The following TTLL11 variants were observed in gnomAD, a reference collection of about 807,000 sequenced individuals.
The protein encoded by TTLL11 is tubulin tyrosine ligase like 11.
In TTLL11, 42 loss-of-function variants were observed where a neutral mutation model predicts 51.7. The ratio of observed to expected loss-of-function variants is 0.81; its 90% CI spans 0.64 to 1.05. The LOEUF is 1.05. Ranked by LOEUF, TTLL11 falls within the 50% of genes least tolerant of loss-of-function variation. TTLL11 has a pLI of 0.00. For synonymous variants in TTLL11, 381 were observed against 383.5 expected (o/e 0.99, Z 0.08); for missense variants, 799 against 940.4 (o/e 0.85, Z 1.97).
intron 6 of TTLL11, among the ~76,000 whole-genome samples, chr9:121,941,770 T>C (rs1276460089): frequency 6.6e-6 from 1 of 152,160 alleles, no homozygotes; most frequent in African/African-American, 2.4e-5. Context: ...CCCCCAGGGA[T>C]ATTTGTGTGG....
At position 121,822,733 on chromosome 9, in the gene TTLL11, C is replaced by A. The variant is rs753390416; in HGVS notation, c.1987G>T (p.Gly663Cys). The A allele has an allele frequency of 1.5e-5, 23 of 1,551,384 alleles. No individual in the cohort carries two copies. The Admixed American group carries it at 2.0e-4, about 13-fold the overall frequency. ...SLLDEKRLVC[G>C]RGVPSGGRPP... The stretch of plus-strand genomic sequence containing the variant: ...CGGCCCCCCGACGGGACGCCCCGGC[C>A]ACACACCAGGCGTTTTTCATCCAGC... The change falls in exon 9 of 9, where the codon GGC becomes TGC. Residue 663 changes from glycine to cysteine, a missense_variant. Coordinates refer to ENST00000321582, the MANE Select transcript of TTLL11 (RefSeq NM_001139442.2). The surrounding 1 kb of genome is among the most constrained non-coding windows in gnomAD (Gnocchi z 5.8).
At chr9:121,827,740 G>A (rs971731869) in intron 8 of TTLL11, among the ~76,000 whole-genome samples, 1 of 152,152 alleles carries the variant, frequency 6.6e-6, no homozygotes, top group Non-Finnish European at 1.5e-5. Flanking sequence ...CGCAGGAAAC[G>A]GTGGTCAGAC....
In TTLL11 at chr9:122,093,142, G is replaced by C. The variant is rs1383436631; in HGVS notation, c.7C>G (p.Arg3Gly). Residue 3 changes from arginine to glycine, a missense_variant, in exon 1 of 9, where the codon CGG becomes GGG. This residue lies in a region of TTLL11 where 166 missense variants were observed against 161.6 expected (regional missense o/e 1.03). Transcript: ENST00000321582. ...GCCAGCTCGCTCTCGGAGCTGCCCC[G>C]CCGCATGGTGCTCAGGGCCGGGGCC... MR[R>G]GSSESELAAR... The C allele has an allele frequency of 6.7e-7, 1 of 1,489,986 alleles. No homozygotes were observed. The highest frequency in any genetic ancestry group is 2.8e-5 in the East Asian group (1 of 35,614). The allele number at this position is 1,489,986 out of a possible 1,614,324, so 92.3% of individuals were successfully genotyped here. A position where few individuals can be genotyped will look rare whatever the true frequency, so the allele number is the denominator to read the frequency against.
intron 6 of TTLL11, among the ~76,000 whole-genome samples, chr9:121,953,371 G>A (rs540663497): frequency 1.3e-5 from 2 of 152,254 alleles, no homozygotes; most frequent in Admixed American, 6.5e-5. Context: ...TGTGGCTCAC[G>A]TGTGTAATCC....
intron 6 of TTLL11, among the ~76,000 whole-genome samples, chr9:121,873,518 G>A (rs933654390): frequency 1.3e-5 from 2 of 151,380 alleles, no homozygotes; most frequent in Non-Finnish European, 1.5e-5. Context: ...CACCATGTTG[G>A]TCAGGCTGGT....
intron 8 of TTLL11, among the ~76,000 whole-genome samples, chr9:121,841,856 G>T (rs75551318): frequency 0.015 from 2,252 of 152,030 alleles, 53 homozygotes; most frequent in African/African-American, 0.052. Context: ...AACTAAAAAT[G>T]TCTCAAATCG....
intron 6 of TTLL11, among the ~76,000 whole-genome samples, chr9:121,955,648 C>T (rs1417011218): frequency 6.6e-6 from 1 of 152,150 alleles, no homozygotes; most frequent in East Asian, 1.9e-4. Context: ...CCCACTGGAC[C>T]CTAGAGTCCT....
chr9:122,024,875 T>G (rs534440287), intron 3 of TTLL11, among the ~76,000 whole-genome samples: 1 of 150,976 alleles, frequency 6.6e-6, no homozygotes, highest in African/African-American at 2.4e-5. Flanking sequence ...TAGATATAAA[T>G]TCCTATATAT....
At chr9:121,891,128 G>A (rs992798708) in intron 6 of TTLL11, among the ~76,000 whole-genome samples, 12 of 152,152 alleles carry the variant, frequency 7.9e-5, no homozygotes, top group East Asian at 7.7e-4. Flanking sequence ...TATTACAATC[G>A]TCCTTGAACC....
chr9:121,863,521 G>A (rs1020382213), intron 7 of TTLL11, among the ~76,000 whole-genome samples: 12 of 152,148 alleles, frequency 7.9e-5, no homozygotes, highest in Non-Finnish European at 1.6e-4. Context: ...AGCAGGAGCC[G>A]TAATTTACCA....
At position 121,962,648 on chromosome 9, in the gene TTLL11, G is replaced by C. The variant is rs1486109887; in HGVS notation, c.1481+11361C>G. Among the ~76,000 whole-genome samples, 6 of 152,164 alleles carry C rather than the reference G, an allele frequency of 3.9e-5. No homozygotes were observed. In the East Asian group the frequency reaches 1.2e-3, roughly 29 times the overall value. ...CACCAGGTCTTCTTATGAAACTTCA[G>C]CCTGTTCTCCAGTCTGGAACACATA... On this transcript the variant is annotated intron_variant, in intron 6 of 8. Transcript: ENST00000321582.
intron 3 of TTLL11, among the ~76,000 whole-genome samples, chr9:122,005,744 CCTT>C (rs1843622297): frequency 6.6e-6 from 1 of 152,204 alleles, no homozygotes; most frequent in Non-Finnish European, 1.5e-5. Context: ...AGATGAAAAT[CCTT>C]CTGCTCCAGA....
intron 4 of TTLL11, among the ~76,000 whole-genome samples, chr9:121,988,387 C>T (rs922694781): frequency 2.6e-5 from 4 of 151,832 alleles, no homozygotes; most frequent in Non-Finnish European, 5.9e-5. Flanking sequence ...AGGCTCTCGA[C>T]ACAGCCCCTA....
intron 8 of TTLL11, among the ~76,000 whole-genome samples, chr9:121,844,831 G>A (rs77962710): frequency 1.3e-5 from 2 of 151,030 alleles, no homozygotes; most frequent in Non-Finnish European, 2.9e-5. Flanking sequence ...ATGAATTAAA[G>A]AAAAAAAATA....
rs1221473536 is a variant in TTLL11 at position 121,905,505 on chromosome 9, T to A, written c.1482-34757A>T. 2.6e-5 allele frequency among the ~76,000 whole-genome samples: 4 copies of A among 151,902 alleles called. No homozygotes were observed. In the East Asian group the frequency reaches 5.8e-4, roughly 22 times the overall value. On this transcript the variant is annotated intron_variant, in intron 6 of 8. Coordinates refer to ENST00000321582, the MANE Select transcript of TTLL11 (RefSeq NM_001139442.2). ...TAGCTGGGATTACAGGCACACATCA[T>A]CAAGCCTGGCTAATTTTTTGTATTT...
At chr9:122,019,737 C>T (rs12348837) in intron 3 of TTLL11, among the ~76,000 whole-genome samples, 57,407 of 152,092 alleles carry the variant, frequency 0.38, 12,341 homozygotes, top group African/African-American at 0.59. Context: ...AGGCATGATA[C>T]GGTTTGGCTG....
intron 1 of TTLL11, among the ~76,000 whole-genome samples, chr9:122,090,007 T>C (rs7860331): frequency 0.43 from 65,280 of 151,900 alleles, 15,991 homozygotes; most frequent in African/African-American, 0.67. Flanking sequence ...TGCCAATGTG[T>C]TCTCTGAGTG....
intron 8 of TTLL11, among the ~76,000 whole-genome samples, chr9:121,836,348 G>C (rs1410191671): frequency 6.6e-6 from 1 of 152,148 alleles, no homozygotes; most frequent in African/African-American, 2.4e-5. Context: ...TAGTTGCCCT[G>C]TGAGATTCTG....
intron 4 of TTLL11, among the ~76,000 whole-genome samples, chr9:121,980,692 T>C (rs377004722): frequency 3.0e-4 from 46 of 152,374 alleles, no homozygotes; most frequent in African/African-American, 1.0e-3. Flanking sequence ...ATCATGCTGC[T>C]ATAAAGACAC....
Sources: allele counts gnomAD v4.1 joint callset (sites outside exome capture counted in the v4.1 genomes callset), GRCh38; gene constraint gnomAD v4.1.1; regional missense constraint gnomAD v4.1.1; non-coding constraint Gnocchi (gnomAD v3.1); transcripts MANE v1.5; gene names NCBI Gene and HGNC (gene_info 2026-07-23, HGNC 2026-07-21).